The following KCNIP4 variants were observed in gnomAD, a reference collection of about 807,000 sequenced individuals.
The protein encoded by KCNIP4 is Kv channel-interacting protein 4.
A neutral mutation model predicts 34.0 loss-of-function variants in KCNIP4; 12 were observed. The ratio of observed to expected loss-of-function variants is 0.35; its 90% confidence interval spans 0.23 to 0.57. The LOEUF (loss-of-function observed/expected upper bound fraction) is 0.57. Among genes scored for constraint, KCNIP4 ranks in the 20% least tolerant of loss-of-function variants. The pLI is 0.83. For missense variants in KCNIP4, 238 were observed against 311.7 expected (o/e 0.76, Z 1.78); for synonymous variants, 124 against 102.2 (o/e 1.21, Z -1.29).
rs543668019 is a variant in KCNIP4 at position 21,670,945 on chromosome 4, C to T, written c.61+277626G>A. Among the ~76,000 whole-genome samples the T allele has an allele frequency of 4.0e-5, 6 of 151,660 alleles. No homozygotes were observed. In the East Asian group the frequency reaches 5.8e-4, roughly 15 times the overall value. ...TGCTGGGATTACAGGTGTGAGCCAC[C>T]GCGCCGGGCTGAGTAAACTTTTTTT... On this transcript the variant is annotated intron_variant, in intron 1 of 8. Coordinates refer to ENST00000382152, the MANE Select transcript of KCNIP4 (RefSeq NM_025221.6).
intron 1 of KCNIP4, among the ~76,000 whole-genome samples, chr4:21,507,010 A>G (rs1043256688): frequency 6.6e-6 from 1 of 151,900 alleles, no homozygotes; most frequent in African/African-American, 2.4e-5. Context: ...TTGGTGTCAA[A>G]TTCCCAGCCT....
chr4:21,013,500 A>G (rs1460238133), intron 1 of KCNIP4, among the ~76,000 whole-genome samples: 2 of 152,036 alleles, frequency 1.3e-5, no homozygotes, highest in Middle Eastern at 3.4e-3. Context: ...CTCCACCACT[A>G]CATAAGAGAA....
chr4:21,295,575 A>C (rs1200017553), intron 1 of KCNIP4, among the ~76,000 whole-genome samples: 1 of 152,122 alleles, frequency 6.6e-6, no homozygotes, highest in Non-Finnish European at 1.5e-5. Flanking sequence ...TATGAAGCAC[A>C]CTTCTAACCA....
intron 1 of KCNIP4, among the ~76,000 whole-genome samples, chr4:21,236,370 G>C (rs559457821): frequency 3.3e-5 from 5 of 152,056 alleles, no homozygotes; most frequent in Non-Finnish European, 7.4e-5. Flanking sequence ...ACATTGTATT[G>C]ATACAACCAC....
chr4:21,512,192 GGAAC>G (rs201852364), intron 1 of KCNIP4, among the ~76,000 whole-genome samples: 2,479 of 119,520 alleles, frequency 0.021, 78 homozygotes, highest in African/African-American at 0.074. Flanking sequence ...AACGAACGAA[GGAAC>G]GAACGAAGGA....
intron 1 of KCNIP4, among the ~76,000 whole-genome samples, chr4:21,504,924 G>C (rs928133826): frequency 6.6e-6 from 1 of 152,120 alleles, no homozygotes; most frequent in Non-Finnish European, 1.5e-5. Context: ...CAGAAAATCT[G>C]TCCTCTTTGT....
At chr4:21,944,953 G>A (rs1231295974) in intron 1 of KCNIP4, among the ~76,000 whole-genome samples, 1 of 152,028 alleles carries the variant, frequency 6.6e-6, no homozygotes, top group African/African-American at 2.4e-5. Context: ...AAGGATCCTT[G>A]AACAAACAAA....
At chr4:21,750,559 G>A (rs967524999) in intron 1 of KCNIP4, among the ~76,000 whole-genome samples, 4 of 152,098 alleles carry the variant, frequency 2.6e-5, no homozygotes, top group Non-Finnish European at 5.9e-5. Context: ...ATCCTTTGAG[G>A]AAAGTGGCTA....
At chr4:20,960,336 C>T (rs1204709221) in intron 1 of KCNIP4, among the ~76,000 whole-genome samples, 1 of 152,118 alleles carries the variant, frequency 6.6e-6, no homozygotes, top group Non-Finnish European at 1.5e-5. Flanking sequence ...ATATGGTTGG[C>T]CAGGTTTCTA....
intron 1 of KCNIP4, among the ~76,000 whole-genome samples, chr4:21,376,854 G>C (rs1721008263): frequency 6.6e-6 from 1 of 152,150 alleles, no homozygotes; most frequent in South Asian, 2.1e-4. Flanking sequence ...AGCAGTGCCA[G>C]AGAATCAGTT....
At chr4:21,128,664 T>C (rs1359630903) in intron 1 of KCNIP4, among the ~76,000 whole-genome samples, 1 of 152,198 alleles carries the variant, frequency 6.6e-6, no homozygotes, top group Non-Finnish European at 1.5e-5. Context: ...AATACAGAGC[T>C]ATTTGTACTT....
chr4:21,444,857 G>C (rs1266147559), intron 1 of KCNIP4, among the ~76,000 whole-genome samples: 1 of 152,200 alleles, frequency 6.6e-6, no homozygotes, highest in Non-Finnish European at 1.5e-5. Flanking sequence ...CAGATGACAT[G>C]ATTGTATACC....
At chr4:20,799,566 A>G (rs1713956509) in intron 3 of KCNIP4, among the ~76,000 whole-genome samples, 1 of 152,108 alleles carries the variant, frequency 6.6e-6, no homozygotes, top group South Asian at 2.1e-4. Flanking sequence ...GAGATGTCCC[A>G]CCTTTCCAGG....
At chr4:20,988,176 C>G (rs933678299) in intron 1 of KCNIP4, among the ~76,000 whole-genome samples, 1 of 152,022 alleles carries the variant, frequency 6.6e-6, no homozygotes, top group Non-Finnish European at 1.5e-5. Flanking sequence ...ATACTCGGTA[C>G]CAGGTTCTGC....
At chr4:21,285,013 C>T (rs532660604) in intron 1 of KCNIP4, among the ~76,000 whole-genome samples, 7 of 152,126 alleles carry the variant, frequency 4.6e-5, no homozygotes, top group African/African-American at 9.6e-5. Context: ...CTTTAATGCC[C>T]CACCTTTTTC....
intron 5 of KCNIP4, among the ~76,000 whole-genome samples, chr4:20,742,603 A>G (rs548890844): frequency 1.3e-5 from 2 of 152,160 alleles, no homozygotes; most frequent in Non-Finnish European, 1.5e-5. Flanking sequence ...CCCACAGCCA[A>G]TATCATACTG....
chr4:21,109,370 T>A (rs1284757039), intron 1 of KCNIP4, among the ~76,000 whole-genome samples: 1 of 152,268 alleles, frequency 6.6e-6, no homozygotes, highest in Non-Finnish European at 1.5e-5. Flanking sequence ...GTGCTAGCAA[T>A]CAGTGAGACT....
At chr4:20,866,547 C>T (rs892896420) in intron 2 of KCNIP4, among the ~76,000 whole-genome samples, 6 of 151,984 alleles carry the variant, frequency 3.9e-5, no homozygotes, top group Non-Finnish European at 7.4e-5. Flanking sequence ...CCACAGCCAA[C>T]ATCATACTAA....
intron 1 of KCNIP4, among the ~76,000 whole-genome samples, chr4:21,363,431 G>A (rs560436757): frequency 6.6e-6 from 1 of 152,246 alleles, no homozygotes; most frequent in Admixed American, 6.5e-5. Flanking sequence ...ATATCTTCAT[G>A]ACAAAGTGAA....
Sources: allele counts gnomAD v4.1 joint callset (sites outside exome capture counted in the v4.1 genomes callset), GRCh38; gene constraint gnomAD v4.1.1; transcripts MANE v1.5; gene names NCBI Gene and HGNC (gene_info 2026-07-23, HGNC 2026-07-21).